The following FREM2 variants were observed in gnomAD, a reference collection of about 807,000 sequenced individuals.
FREM2 encodes the protein FRAS1-related extracellular matrix protein 2.
A neutral mutation model predicts 219.9 loss-of-function variants in FREM2; 119 were observed. The observed-to-expected ratio is 0.54, with a 90% CI of 0.47 to 0.63. The LOEUF is 0.63. Among genes scored for constraint, FREM2 ranks in the 30% least tolerant of loss-of-function variants. The probability of loss-of-function intolerance (pLI) is 0.00; values close to 1 mark genes in which losing one functional copy is unlikely to be tolerated. For synonymous variants in FREM2, 1,562 were observed against 1,522.8 expected (o/e 1.03, Z -0.60); for missense variants, 4,030 against 3,993.6 (o/e 1.01, Z -0.25).
At chr13:38,800,885 C>T (rs1315701029) in intron 6 of FREM2, among the ~76,000 whole-genome samples, 2 of 152,192 alleles carry the variant, frequency 1.3e-5, no homozygotes, top group African/African-American at 2.4e-5. Flanking sequence ...CCATCTCAGC[C>T]TCCCAAAGTG....
chr13:38,692,289 T>C lies in FREM2; in HGVS notation c.4945T>C (p.Leu1649=). The part of the protein sequence containing the change: ...RRPQVMKIQV[L]AVDNSVPQIA... ...ACCCCAAGTGATGAAGATCCAGGTC[T>C]TGGCTGTTGACAACAGTGTCCCCCA... Residue 1649 remains leucine (L), a synonymous_variant, in exon 1 of 24, where the codon TTG becomes CTG. Coordinates refer to ENST00000280481, the MANE Select transcript of FREM2 (RefSeq NM_207361.6). 1 of 1,613,162 alleles carries C rather than the reference T, an allele frequency of 6.2e-7. No homozygotes were observed. Among genetic ancestry groups the C allele is most frequent in the South Asian group, 1.1e-5 (1 of 90,982 alleles).
chr13:38,708,597 T>G (rs1429433575), intron 2 of FREM2, among the ~76,000 whole-genome samples: 2 of 152,054 alleles, frequency 1.3e-5, no homozygotes, highest in Non-Finnish European at 2.9e-5. Flanking sequence ...GAGGTTGTGG[T>G]GAGCTGAGAT....
At chr13:38,830,903 A>G (rs1185527672) in intron 6 of FREM2, among the ~76,000 whole-genome samples, 3 of 152,144 alleles carry the variant, frequency 2.0e-5, no homozygotes, top group Non-Finnish European at 4.4e-5. Context: ...ACTGATTCTC[A>G]GACTCTAATA....
chr13:38,869,524 G>A (rs915323606), intron 16 of FREM2, among the ~76,000 whole-genome samples: 1 of 152,154 alleles, frequency 6.6e-6, no homozygotes, highest in Admixed American at 6.5e-5. Flanking sequence ...GAACAAAGTC[G>A]TTACAAGAGT....
chr13:38,693,893 C>T (rs1870001574), intron 1 of FREM2, among the ~76,000 whole-genome samples: 1 of 152,152 alleles, frequency 6.6e-6, no homozygotes, highest in Admixed American at 6.6e-5. Flanking sequence ...AGTGTCATGC[C>T]AGACCAGTAG....
At position 38,688,486 on chromosome 13, in the gene FREM2, C is replaced by G. The variant is rs200453874; in HGVS notation, c.1142C>G (p.Ser381Cys). The change falls in exon 1 of 24, where the codon TCC becomes TGC. Residue 381 changes from serine to cysteine, a missense_variant. Coordinates refer to ENST00000280481, the MANE Select transcript of FREM2 (RefSeq NM_207361.6). ...VSTDDRSLPL[S>C]SFTQRDLRLL... ...ACCGATGATCGCAGCCTGCCCCTTT[C>G]CTCCTTCACTCAGAGGGATCTGCGG... 8 of 1,614,184 alleles carry G rather than the reference C, an allele frequency of 5.0e-6. No homozygotes were observed. In the East Asian group the frequency reaches 6.7e-5, roughly 13 times the overall value.
At chr13:38,861,699 T>C in intron 15 of FREM2, 137 bp downstream of exon 15, 1 of 912,236 alleles carries the variant, frequency 1.1e-6, no homozygotes, top group Non-Finnish European at 1.8e-6. Flanking sequence ...CTTCCACTTC[T>C]TTCAACTGTT....
At chr13:38,780,523 C>T (rs780258330) in intron 4 of FREM2, among the ~76,000 whole-genome samples, 108 of 152,202 alleles carry the variant, frequency 7.1e-4, no homozygotes, top group Admixed American at 2.0e-4. Context: ...TATCTTACAG[C>T]AGTCACAACT....
At chr13:38,716,027 T>G (rs766149539) in intron 2 of FREM2, among the ~76,000 whole-genome samples, 2 of 152,128 alleles carry the variant, frequency 1.3e-5, no homozygotes, top group Non-Finnish European at 1.5e-5. Context: ...TACGCCAGAG[T>G]ATAAGCAAGA....
intron 18 of FREM2, among the ~76,000 whole-genome samples, chr13:38,875,290 A>G (rs1307384435): frequency 6.6e-6 from 1 of 152,112 alleles, no homozygotes; most frequent in Non-Finnish European, 1.5e-5. Flanking sequence ...AGATTGGGAA[A>G]GGGAAAATAG....
At chr13:38,845,901 A>T (rs1436899569) in intron 6 of FREM2, among the ~76,000 whole-genome samples, 1 of 152,108 alleles carries the variant, frequency 6.6e-6, no homozygotes, top group Non-Finnish European at 1.5e-5. Context: ...AATTTGCCTC[A>T]TTTTCATGTG....
Position 38,872,880 on chromosome 13 carries a change from A to G in FREM2, c.8122A>G (p.Thr2708Ala). 1 of 1,614,052 alleles carries G rather than the reference A, an allele frequency of 6.2e-7. No homozygotes were observed. Among genetic ancestry groups the G allele is most frequent in the Non-Finnish European group, 8.5e-7 (1 of 1,179,932 alleles). ...SELRLTFVYDTAILWNDGIGS... is the reference protein window; with the variant it reads ...SELRLTFVYDAAILWNDGIGS... ...GCTTCGTCTAACTTTTGTGTACGACACCGCCATCTTGTGGAATGATGGAAT... is the reference window on the plus strand; with the variant it reads ...GCTTCGTCTAACTTTTGTGTACGACGCCGCCATCTTGTGGAATGATGGAAT... The change falls in exon 17 of 24, where the codon ACC becomes GCC. Residue 2708 changes from threonine (T) to alanine (A), a missense_variant. This residue lies in a region of FREM2 where 928 missense variants were observed against 1,042.9 expected (regional missense o/e 0.89). Coordinates refer to ENST00000280481, the MANE Select transcript of FREM2 (RefSeq NM_207361.6).
At chr13:38,756,479 G>A (rs1397399583) in intron 2 of FREM2, among the ~76,000 whole-genome samples, 1 of 147,016 alleles carries the variant, frequency 6.8e-6, no homozygotes, top group Non-Finnish European at 1.5e-5. Flanking sequence ...CAGCCTTCTT[G>A]TTCTTAGGAA....
At chr13:38,693,987 G>T (rs2138074943) in intron 1 of FREM2, among the ~76,000 whole-genome samples, 1 of 152,284 alleles carries the variant, frequency 6.6e-6, no homozygotes, top group South Asian at 2.1e-4. Context: ...GGAAGAGAAT[G>T]AAAGGAATAT....
chr13:38,706,845 A>G (rs1192736472), intron 2 of FREM2, among the ~76,000 whole-genome samples: 1 of 152,190 alleles, frequency 6.6e-6, no homozygotes, highest in Non-Finnish European at 1.5e-5. Context: ...GACAAATGTC[A>G]TACTTAATCC....
chr13:38,866,508 A>G (rs1272005017), intron 16 of FREM2, among the ~76,000 whole-genome samples: 1 of 151,804 alleles, frequency 6.6e-6, no homozygotes, highest in Non-Finnish European at 1.5e-5. Flanking sequence ...AAAAAATAAA[A>G]TAAAATAAAA....
intron 4 of FREM2, 126 bp downstream of exon 4, chr13:38,769,934 T>C: frequency 2.7e-6 from 2 of 748,240 alleles, no homozygotes; most frequent in Non-Finnish European, 4.7e-6. Context: ...ACCTTCTAGA[T>C]TAATGATTCA....
chr13:38,734,638 A>T (rs1365009749), intron 2 of FREM2, among the ~76,000 whole-genome samples: 5 of 152,142 alleles, frequency 3.3e-5, no homozygotes, highest in African/African-American at 1.2e-4. Context: ...TCATTTGAAT[A>T]TAATAACAGC....
intron 2 of FREM2, among the ~76,000 whole-genome samples, chr13:38,739,272 G>T (rs555184904): frequency 6.6e-4 from 100 of 152,264 alleles, no homozygotes; most frequent in Admixed American, 3.3e-3. Flanking sequence ...GAAGACAAGC[G>T]CCTGAAACTG....
Sources: allele counts gnomAD v4.1 joint callset (sites outside exome capture counted in the v4.1 genomes callset), GRCh38; gene constraint gnomAD v4.1.1; regional missense constraint gnomAD v4.1.1; transcripts MANE v1.5; gene names NCBI Gene and HGNC (gene_info 2026-07-23, HGNC 2026-07-21).